EBF1: variants seen among roughly 807,000 people sequenced by gnomAD.
EBF1 encodes EBF transcription factor 1.
Under a neutral mutation model 68.4 loss-of-function variants are expected in EBF1, and 10 were observed. The observed-to-expected ratio is 0.15, with a 90% CI of 0.09 to 0.25. The LOEUF (loss-of-function observed/expected upper bound fraction) is 0.25. EBF1 is among the 10% of genes least tolerant of loss of function. The pLI is 1.00. For missense variants in EBF1, 509 were observed against 794.4 expected, an observed-to-expected ratio of 0.64 and a Z score of 4.32; for synonymous variants, 298 against 299.8, an observed-to-expected ratio of 0.99 and a Z score of 0.06.
chr5:159,009,989 C>G (rs994061991), intron 6 of EBF1, among the ~76,000 whole-genome samples: 42 of 152,240 alleles, frequency 2.8e-4, no homozygotes, highest in African/African-American at 9.6e-4. Flanking sequence ...AGGCAATCCT[C>G]AAAATATTAA....
At chr5:158,764,016 T>A (rs1322694352) in intron 10 of EBF1, among the ~76,000 whole-genome samples, 4 of 152,172 alleles carry the variant, frequency 2.6e-5, no homozygotes, top group African/African-American at 9.7e-5. Flanking sequence ...ATCAGGCACT[T>A]ACTGTATGCC....
intron 6 of EBF1, among the ~76,000 whole-genome samples, chr5:158,924,385 A>T (rs1280290803): frequency 1.3e-5 from 2 of 152,182 alleles, no homozygotes; most frequent in African/African-American, 4.8e-5. Context: ...TCCTGGCAGA[A>T]CACAAATCCC....
chr5:159,094,779 C>G (rs1782290581), intron 4 of EBF1, among the ~76,000 whole-genome samples: 1 of 152,138 alleles, frequency 6.6e-6, no homozygotes, highest in East Asian at 1.9e-4. Flanking sequence ...TTTTCTGCTA[C>G]TAACTCCTCC....
intron 6 of EBF1, among the ~76,000 whole-genome samples, chr5:159,047,976 C>T (rs575623738): frequency 6.6e-6 from 1 of 152,298 alleles, no homozygotes; most frequent in African/African-American, 2.4e-5. Context: ...CCAATCATGT[C>T]TCATTCATCT....
At chr5:158,702,008 G>T (rs1756870131) in intron 15 of EBF1, among the ~76,000 whole-genome samples, 1 of 152,112 alleles carries the variant, frequency 6.6e-6, no homozygotes, top group Non-Finnish European at 1.5e-5. Flanking sequence ...ACATTCTAAG[G>T]CCCATGTTGC....
chr5:159,051,121 A>T (rs1181771811), intron 6 of EBF1, among the ~76,000 whole-genome samples: 1 of 152,112 alleles, frequency 6.6e-6, no homozygotes, highest in Non-Finnish European at 1.5e-5. Flanking sequence ...CTAACCAAGT[A>T]ACCTATGAAA....
At position 158,909,956 on chromosome 5, in the gene EBF1, TAAAAAAAAAAAA is replaced by T. The variant is rs59274919; in HGVS notation, c.555-69858_555-69847del. ...TGGTGACAGAACGAGACTCTGTCTA[TAAAAAAAAAAAA>T]AAAAAAAAAAAAAAAAAATGCAGGG... On this transcript the variant is annotated intron_variant, in intron 6 of 15. Coordinates refer to ENST00000313708, the MANE Select transcript of EBF1 (RefSeq NM_024007.5). Among the ~76,000 whole-genome samples the T allele has an allele frequency of 9.6e-3, 448 of 46,746 alleles. 9 individuals carry two copies. Among genetic ancestry groups the T allele is most frequent in the African/African-American group, 0.03 (403 of 13,626 alleles). 30.7% of individuals were successfully genotyped at this position (46,746 alleles called of 152,430 possible).
intron 6 of EBF1, among the ~76,000 whole-genome samples, chr5:158,860,622 A>G (rs895305117): frequency 2.6e-5 from 4 of 152,168 alleles, no homozygotes; most frequent in African/African-American, 9.7e-5. Context: ...AAGGACAAGA[A>G]AACCCTCACT....
intron 6 of EBF1, among the ~76,000 whole-genome samples, chr5:158,884,565 C>T (rs62385375): frequency 0.052 from 7,880 of 152,106 alleles, 282 homozygotes; most frequent in Non-Finnish European, 0.073. Context: ...GAAGAGACAG[C>T]TGGAATGCTG....
intron 6 of EBF1, among the ~76,000 whole-genome samples, chr5:158,924,087 T>C (rs1310639125): frequency 1.3e-5 from 2 of 152,212 alleles, no homozygotes; most frequent in Non-Finnish European, 2.9e-5. Flanking sequence ...TTTTTAGTCA[T>C]CTAACTTTTT....
chr5:158,756,316 T>C (rs1038973334), intron 10 of EBF1, among the ~76,000 whole-genome samples: 1 of 152,034 alleles, frequency 6.6e-6, no homozygotes, highest in East Asian at 1.9e-4. Flanking sequence ...CCCAGGGTAA[T>C]CAGTCATCTT....
chr5:159,070,619 T>G (rs763671788), intron 6 of EBF1, among the ~76,000 whole-genome samples: 8 of 152,154 alleles, frequency 5.3e-5, no homozygotes. Context: ...GTCTTTTGAC[T>G]GATAAAAATA....
chr5:159,050,302 A>G (rs978505997), intron 6 of EBF1, among the ~76,000 whole-genome samples: 1 of 147,566 alleles, frequency 6.8e-6, no homozygotes, highest in African/African-American at 2.5e-5. Context: ...ATGACTCTGT[A>G]TCCCTGTCTG....
intron 6 of EBF1, among the ~76,000 whole-genome samples, chr5:158,858,583 G>A (rs1013670554): frequency 6.6e-6 from 1 of 152,148 alleles, no homozygotes; most frequent in African/African-American, 2.4e-5. Context: ...AATATCACAT[G>A]CACTGGGACA....
intron 6 of EBF1, among the ~76,000 whole-genome samples, chr5:159,002,077 A>G (rs1762648897): frequency 6.6e-6 from 1 of 151,924 alleles, no homozygotes; most frequent in Admixed American, 6.6e-5. Flanking sequence ...AATCTCTGAA[A>G]CTTTTTGCCA....
intron 6 of EBF1, among the ~76,000 whole-genome samples, chr5:159,020,497 G>T (rs1766468623): frequency 6.6e-6 from 1 of 152,094 alleles, no homozygotes; most frequent in East Asian, 1.9e-4. Flanking sequence ...GAGCGATGCG[G>T]ACTCCTCTGC....
intron 6 of EBF1, among the ~76,000 whole-genome samples, chr5:158,975,081 G>A (rs1402900381): frequency 2.0e-5 from 3 of 152,172 alleles, no homozygotes; most frequent in African/African-American, 7.2e-5. Context: ...TAAGAGTAGT[G>A]CATTAAGAAC....
intron 6 of EBF1, among the ~76,000 whole-genome samples, chr5:158,990,882 CAATT>C (rs1439517552): frequency 6.6e-6 from 1 of 152,174 alleles, no homozygotes; most frequent in Admixed American, 6.5e-5. Context: ...GGGCTAATCT[CAATT>C]AAACCCATCA....
At chr5:158,879,858 G>C (rs1798532193) in intron 6 of EBF1, among the ~76,000 whole-genome samples, 1 of 152,202 alleles carries the variant, frequency 6.6e-6, no homozygotes, top group East Asian at 1.9e-4. Context: ...AAATACTTGA[G>C]AGCAGAGATT....
Sources: allele counts gnomAD v4.1 joint callset (sites outside exome capture counted in the v4.1 genomes callset), GRCh38; gene constraint gnomAD v4.1.1; transcripts MANE v1.5; gene names NCBI Gene and HGNC (gene_info 2026-07-23, HGNC 2026-07-21).